BMPR1A: variants seen among roughly 807,000 people sequenced by gnomAD.
BMPR1A encodes the protein bone morphogenetic protein receptor type 1A.
Under a neutral mutation model 66.0 loss-of-function variants are expected in BMPR1A, and 7 were observed. The ratio of observed to expected loss-of-function variants is 0.11; its 90% CI spans 0.06 to 0.20. The LOEUF is 0.20. Ranked by LOEUF, BMPR1A falls within the 10% of genes least tolerant of loss-of-function variation. The pLI is 1.00. For synonymous variants in BMPR1A, 200 were observed against 229.7 expected, an observed-to-expected ratio of 0.87 and a Z score of 1.17; for missense variants, 408 against 669.1, an observed-to-expected ratio of 0.61 and a Z score of 4.31.
chr10:86,786,779 A>G (rs766886659), intron 1 of BMPR1A, among the ~76,000 whole-genome samples: 1 of 152,220 alleles, frequency 6.6e-6, no homozygotes, highest in Non-Finnish European at 1.5e-5. Flanking sequence ...GGCAAATGAA[A>G]TGCAGCTTTC....
In BMPR1A at chr10:86,904,325, TAAAG is replaced by T. The variant is rs539675997; in HGVS notation, c.530+4203_530+4206del. ...TAATTGTATTGCTCAAAACCGATAATAAAGAAATGTTAAATGAAACAAGAAGGAA... is the reference window on the plus strand; with the variant it reads ...TAATTGTATTGCTCAAAACCGATAATAAATGTTAAATGAAACAAGAAGGAA... On this transcript the variant is annotated intron_variant, in intron 7 of 12. Transcript: ENST00000372037. 4.6e-5 allele frequency among the ~76,000 whole-genome samples: 7 copies of T among 152,032 alleles called. No individual in the cohort carries two copies. In the South Asian group the frequency reaches 1.5e-3, roughly 32 times the overall value.
At chr10:86,762,856 G>C (rs1055475023) in intron 1 of BMPR1A, among the ~76,000 whole-genome samples, 2 of 152,120 alleles carry the variant, frequency 1.3e-5, no homozygotes, top group Non-Finnish European at 2.9e-5. Flanking sequence ...GAGACCTTAG[G>C]CAAGAAAGGA....
intron 1 of BMPR1A, among the ~76,000 whole-genome samples, chr10:86,766,677 G>A (rs1389922723): frequency 6.7e-6 from 1 of 148,262 alleles, no homozygotes; most frequent in Non-Finnish European, 1.5e-5. Flanking sequence ...GTGCAGTGGC[G>A]CTATCTCTGC....
intron 1 of BMPR1A, among the ~76,000 whole-genome samples, chr10:86,760,612 A>C (rs545049365): frequency 6.6e-6 from 1 of 152,150 alleles, no homozygotes. Context: ...TTTCTTGCAT[A>C]TTAAAAGGAA....
At chr10:86,931,870 T>G (rs1047494155), downstream of BMPR1A, 12 of 152,186 alleles carry the variant, frequency 7.9e-5, no homozygotes, top group Non-Finnish European at 1.6e-4. Flanking sequence ...TTCTAGAACT[T>G]TCTAGAACAA....
chr10:86,862,991 T>TCCC (rs35958923), intron 2 of BMPR1A, among the ~76,000 whole-genome samples: 12 of 149,580 alleles, frequency 8.0e-5, no homozygotes, highest in African/African-American at 2.7e-4. Context: ...TTTTTTTTTT[T>TCCC]CCCCCTCTGA....
intron 5 of BMPR1A, among the ~76,000 whole-genome samples, chr10:86,898,248 CAT>C (rs55896742): frequency 1.1e-4 from 17 of 150,796 alleles, no homozygotes; most frequent in Non-Finnish European, 2.1e-4. Flanking sequence ...GTATATAACA[CAT>C]ATATATATAA....
intron 1 of BMPR1A, among the ~76,000 whole-genome samples, chr10:86,772,533 A>G (rs1318995319): frequency 6.6e-6 from 1 of 152,116 alleles, no homozygotes; most frequent in African/African-American, 2.4e-5. Flanking sequence ...GTATCGTTTC[A>G]TAGAATAAAT....
chr10:86,814,709 C>T (rs953455744), intron 1 of BMPR1A, among the ~76,000 whole-genome samples: 9 of 151,514 alleles, frequency 5.9e-5, no homozygotes, highest in African/African-American at 1.9e-4. Context: ...GTGTTTCTGG[C>T]CTTCTAGCAT....
intron 1 of BMPR1A, among the ~76,000 whole-genome samples, chr10:86,810,449 G>T (rs1321282797): frequency 1.3e-5 from 2 of 152,160 alleles, no homozygotes; most frequent in Admixed American, 1.3e-4. Flanking sequence ...TATAGGAAAA[G>T]AATTACAGAA....
chr10:86,792,497 C>A (rs549240676), intron 1 of BMPR1A, among the ~76,000 whole-genome samples: 2 of 152,242 alleles, frequency 1.3e-5, no homozygotes, highest in Admixed American at 1.3e-4. Context: ...AAATGTTTTT[C>A]ATTTAAACAT....
At chr10:86,877,344 A>G (rs1354267314) in intron 3 of BMPR1A, among the ~76,000 whole-genome samples, 4 of 151,366 alleles carry the variant, frequency 2.6e-5, no homozygotes, top group Non-Finnish European at 5.9e-5. Context: ...AGTAGCTGGG[A>G]TTACAGGCGC....
chr10:86,900,691 G>A (rs1843296689), intron 7 of BMPR1A, among the ~76,000 whole-genome samples: 1 of 152,180 alleles, frequency 6.6e-6, no homozygotes, highest in Admixed American at 6.5e-5. Flanking sequence ...AGGAAAAGAC[G>A]TTCGCATACC....
intron 1 of BMPR1A, among the ~76,000 whole-genome samples, chr10:86,810,324 G>A (rs1211075907): frequency 6.6e-6 from 1 of 152,090 alleles, no homozygotes; most frequent in Admixed American, 6.6e-5. Flanking sequence ...TTCATTCGTT[G>A]GTTGATAAGG....
chr10:86,782,917 G>C (rs1186845760), intron 1 of BMPR1A, among the ~76,000 whole-genome samples: 1 of 152,088 alleles, frequency 6.6e-6, no homozygotes, highest in Non-Finnish European at 1.5e-5. Flanking sequence ...TGTTGCCTGT[G>C]CTTTTTGTTT....
At chr10:86,820,433 C>A (rs1308784158) in intron 1 of BMPR1A, among the ~76,000 whole-genome samples, 1 of 147,486 alleles carries the variant, frequency 6.8e-6, no homozygotes, top group Non-Finnish European at 1.5e-5. Context: ...TCAGTTTTTT[C>A]TGTCTCCACC....
chr10:86,823,867 C>T (rs1283692310), intron 1 of BMPR1A, among the ~76,000 whole-genome samples: 4 of 152,224 alleles, frequency 2.6e-5, no homozygotes. Context: ...CCTTAAATTA[C>T]TTCCCACCTG....
intron 1 of BMPR1A, among the ~76,000 whole-genome samples, chr10:86,799,415 A>G (rs560471745): frequency 6.6e-6 from 1 of 152,300 alleles, no homozygotes; most frequent in East Asian, 1.9e-4. Flanking sequence ...ACAAATAACT[A>G]CTGATAACTA....
At chr10:86,915,765 A>C (rs1020072805) in intron 8 of BMPR1A, among the ~76,000 whole-genome samples, 2 of 152,194 alleles carry the variant, frequency 1.3e-5, no homozygotes, top group Non-Finnish European at 2.9e-5. Context: ...ATTCTATAAT[A>C]AATGATACAT....
Sources: gnomAD v4.1 joint callset for allele counts (sites outside exome capture counted in the v4.1 genomes callset) on GRCh38, gnomAD v4.1.1 for gene constraint, MANE v1.5 for transcripts, NCBI Gene and HGNC (gene_info 2026-07-23, HGNC 2026-07-21) for gene names.